WWOX: variants seen among roughly 807,000 people sequenced by gnomAD.
WWOX encodes WW domain containing oxidoreductase, also known as WW domain-containing oxidoreductase.
Under a neutral mutation model 46.2 loss-of-function variants are expected in WWOX, and 69 were observed. The observed-to-expected ratio is 1.49, with a 90% confidence interval of 1.23 to 1.82. The LOEUF (loss-of-function observed/expected upper bound fraction) is 1.82. WWOX is among the 40% of genes most tolerant of loss of function. The probability of loss-of-function intolerance (pLI) is 0.00; values close to 1 mark genes in which losing one functional copy is unlikely to be tolerated. For missense variants in WWOX, 919 were observed against 542.6 expected (o/e 1.69, Z -6.89); for synonymous variants, 359 against 202.6 (o/e 1.77, Z -6.56).
intron 8 of WWOX, among the ~76,000 whole-genome samples, chr16:78,875,832 A>T (rs2044223357): frequency 6.6e-6 from 1 of 152,188 alleles, no homozygotes; most frequent in African/African-American, 2.4e-5. Context: ...TTTCTAGGGC[A>T]TCTCATTCGT....
chr16:78,682,706 C>T (rs562202042), intron 8 of WWOX, among the ~76,000 whole-genome samples: 30 of 152,072 alleles, frequency 2.0e-4, no homozygotes, highest in Non-Finnish European at 1.0e-4. Flanking sequence ...AGATCCCAAC[C>T]CTATTAAAAA....
chr16:79,011,303 C>G (rs1271732501), intron 8 of WWOX, among the ~76,000 whole-genome samples: 1 of 151,720 alleles, frequency 6.6e-6, no homozygotes, highest in Non-Finnish European at 1.5e-5. Context: ...AAAATTAACA[C>G]TATTACGTAG....
At chr16:78,431,547 T>C (rs914706513) in intron 7 of WWOX, among the ~76,000 whole-genome samples, 10 of 152,130 alleles carry the variant, frequency 6.6e-5, no homozygotes, top group African/African-American at 2.4e-4. Context: ...TCAAGACACT[T>C]TTCTGTTTAA....
chr16:78,190,155 G>A (rs1357189036), intron 5 of WWOX, among the ~76,000 whole-genome samples: 1 of 152,174 alleles, frequency 6.6e-6, no homozygotes, highest in African/African-American at 2.4e-5. Context: ...TGCTGAAATG[G>A]TTGGTGCTAA....
chr16:78,753,392 G>T (rs2049537341), intron 8 of WWOX, among the ~76,000 whole-genome samples: 1 of 152,170 alleles, frequency 6.6e-6, no homozygotes, highest in Non-Finnish European at 1.5e-5. Flanking sequence ...AAGACAATGA[G>T]TAAGAAGAGT....
chr16:78,244,003 G>A (rs1485892601), intron 5 of WWOX, among the ~76,000 whole-genome samples: 1 of 152,228 alleles, frequency 6.6e-6, no homozygotes, highest in African/African-American at 2.4e-5. Context: ...TTGATGTCCA[G>A]TGTGGACTGC....
chr16:78,479,255 G>T (rs2084430667), intron 8 of WWOX, among the ~76,000 whole-genome samples: 1 of 152,184 alleles, frequency 6.6e-6, no homozygotes, highest in Non-Finnish European at 1.5e-5. Context: ...CACCACTTCA[G>T]ACAGTAAGGA....
chr16:78,880,652 G>A (rs2044323498), intron 8 of WWOX, among the ~76,000 whole-genome samples: 1 of 152,196 alleles, frequency 6.6e-6, no homozygotes, highest in South Asian at 2.1e-4. Flanking sequence ...TTATTGGTGA[G>A]GGAATTCACT....
intron 8 of WWOX, among the ~76,000 whole-genome samples, chr16:78,838,297 T>A (rs1328250898): frequency 6.6e-6 from 1 of 152,158 alleles, no homozygotes; most frequent in Non-Finnish European, 1.5e-5. Context: ...GCCATGGCGT[T>A]GCAGAGTGAC....
chr16:78,950,597 CATAAT>C (rs2046041096), intron 8 of WWOX, among the ~76,000 whole-genome samples: 1 of 151,618 alleles, frequency 6.6e-6, no homozygotes, highest in African/African-American at 2.4e-5. Context: ...AGATTTCTAA[CATAAT>C]AAAAAAGATT....
intron 8 of WWOX, among the ~76,000 whole-genome samples, chr16:78,960,520 C>T (rs958274445): frequency 6.6e-6 from 1 of 152,198 alleles, no homozygotes; most frequent in African/African-American, 2.4e-5. Flanking sequence ...ATTTTGTCAC[C>T]TTCTTACCCC....
chr16:79,111,412 G>A (rs891075752), intron 8 of WWOX, among the ~76,000 whole-genome samples: 3 of 152,138 alleles, frequency 2.0e-5, no homozygotes, highest in East Asian at 1.9e-4. Context: ...TTGCCTAATC[G>A]TTTACTGGTT....
intron 8 of WWOX, among the ~76,000 whole-genome samples, chr16:78,439,980 T>A (rs1320934528): frequency 6.6e-6 from 1 of 152,186 alleles, no homozygotes; most frequent in East Asian, 1.9e-4. Flanking sequence ...TCCTCCTGAG[T>A]TGACTTCCCG....
chr16:78,482,094 G>A (rs2151448383), intron 8 of WWOX, among the ~76,000 whole-genome samples: 1 of 152,140 alleles, frequency 6.6e-6, no homozygotes, highest in South Asian at 2.1e-4. Context: ...GGGAATAGGT[G>A]GATATTATAC....
intron 8 of WWOX, among the ~76,000 whole-genome samples, chr16:78,621,750 A>C (rs1052886039): frequency 6.6e-6 from 1 of 150,630 alleles, no homozygotes; most frequent in African/African-American, 2.4e-5. Flanking sequence ...GACTACAGGC[A>C]CTCACCACCA....
chr16:78,543,129 A>G (rs2043937652), intron 8 of WWOX, among the ~76,000 whole-genome samples: 1 of 152,258 alleles, frequency 6.6e-6, no homozygotes, highest in African/African-American at 2.4e-5. Flanking sequence ...GTTCTTCTGC[A>G]CAGTCCCTGA....
chr16:78,178,530 A>C (rs1260575011), intron 5 of WWOX, among the ~76,000 whole-genome samples: 31 of 152,138 alleles, frequency 2.0e-4, no homozygotes, highest in Admixed American at 2.0e-3. Flanking sequence ...TCAGTGCTAG[A>C]CCACATCCTT....
intron 8 of WWOX, among the ~76,000 whole-genome samples, chr16:78,986,756 A>G (rs148467950): frequency 9.2e-5 from 14 of 152,350 alleles, no homozygotes; most frequent in Admixed American, 2.6e-4. Flanking sequence ...ATTTCTTGAT[A>G]GCTTCAGAAG....
At chr16:78,421,548 C>A (rs1174732610) in intron 6 of WWOX, among the ~76,000 whole-genome samples, 2 of 152,146 alleles carry the variant, frequency 1.3e-5, no homozygotes, top group African/African-American at 2.4e-5. Context: ...ATTCACAGAT[C>A]CCTACCATTC....
Sources: gnomAD v4.1 joint callset for allele counts (sites outside exome capture counted in the v4.1 genomes callset) on GRCh38, gnomAD v4.1.1 for gene constraint, MANE v1.5 for transcripts, NCBI Gene and HGNC (gene_info 2026-07-23, HGNC 2026-07-21) for gene names.